Variants in NBEA observed in about 807,000 individuals in gnomAD.
NBEA encodes the protein neurobeachin, also known as lysosomal-trafficking regulator 2.
In NBEA, 44 loss-of-function variants were observed where a neutral mutation model predicts 343.4. The observed-to-expected ratio is 0.13, with a 90% CI of 0.10 to 0.16. NBEA has a LOEUF of 0.16. NBEA is among the 10% of genes least tolerant of loss of function. NBEA has a pLI of 1.00. For missense variants in NBEA, 2,555 were observed against 3,631.3 expected (o/e 0.70, Z 7.62); for synonymous variants, 1,175 against 1,238.7 (o/e 0.95, Z 1.08).
At chr13:35,552,801 A>T (rs1257986518) in intron 43 of NBEA, among the ~76,000 whole-genome samples, 1 of 152,172 alleles carries the variant, frequency 6.6e-6, no homozygotes, top group African/African-American at 2.4e-5. Context: ...ATTTAAAACA[A>T]TCAGAAGCTC....
intron 24 of NBEA, 75 bp from the exon 25 acceptor site, chr13:35,168,912 A>C: frequency 1.9e-6 from 2 of 1,030,472 alleles, no homozygotes; most frequent in Non-Finnish European, 2.7e-6. Context: ...TTTACATTGT[A>C]TTTTCATTTA....
intron 26 of NBEA, 98 bp downstream of exon 26, chr13:35,171,550 G>A: frequency 1.1e-6 from 1 of 934,394 alleles, no homozygotes; most frequent in East Asian, 2.6e-5. Context: ...ATAAGTTGAT[G>A]ATTATATAAT....
At chr13:35,553,734 C>G (rs1389246120) in intron 43 of NBEA, among the ~76,000 whole-genome samples, 2 of 152,074 alleles carry the variant, frequency 1.3e-5, no homozygotes, top group African/African-American at 4.8e-5. Flanking sequence ...GTCTGTTGTT[C>G]CCAAACTAAA....
At chr13:35,365,789 C>T (rs995820660) in intron 38 of NBEA, among the ~76,000 whole-genome samples, 10 of 151,612 alleles carry the variant, frequency 6.6e-5, no homozygotes, top group African/African-American at 2.4e-4. Context: ...CCGCCTTTTT[C>T]TCTGTAAATA....
chr13:35,013,705 G>A (rs2061560079), intron 1 of NBEA, among the ~76,000 whole-genome samples: 1 of 152,168 alleles, frequency 6.6e-6, no homozygotes, highest in African/African-American at 2.4e-5. Flanking sequence ...CTGAGCTCAA[G>A]TAATCCACCT....
At chr13:35,505,054 A>G (rs1391430230) in intron 41 of NBEA, among the ~76,000 whole-genome samples, 1 of 152,034 alleles carries the variant, frequency 6.6e-6, no homozygotes, top group Non-Finnish European at 1.5e-5. Flanking sequence ...TATAAAATAT[A>G]TATTATTTTA....
chr13:35,435,464 G>A (rs1287991568), intron 39 of NBEA, among the ~76,000 whole-genome samples: 1 of 151,994 alleles, frequency 6.6e-6, no homozygotes, highest in East Asian at 1.9e-4. Context: ...ATACAACGGA[G>A]TAGTTAGGGG....
intron 11 of NBEA, among the ~76,000 whole-genome samples, chr13:35,107,431 C>T (rs1033614992): frequency 6.6e-6 from 1 of 151,776 alleles, no homozygotes; most frequent in African/African-American, 2.4e-5. Flanking sequence ...ACACATAATT[C>T]TATTATATTA....
At chr13:35,288,681 T>C (rs1345082601) in intron 34 of NBEA, among the ~76,000 whole-genome samples, 1 of 152,004 alleles carries the variant, frequency 6.6e-6, no homozygotes, top group Non-Finnish European at 1.5e-5. Context: ...TGCAATTTCA[T>C]GTTTTTCCAA....
rs567869350 is a variant in NBEA, at chr13:35,110,145, C to T, written c.1834-665C>T. 7.6e-4 allele frequency among the ~76,000 whole-genome samples: 112 copies of T among 147,974 alleles called. 1 individual carries two copies. The highest frequency in any genetic ancestry group is 1.3e-3 in the Non-Finnish European group (91 of 67,428). On this transcript the variant is annotated intron_variant, in intron 12 of 58. Transcript: ENST00000379939. ...TATGTATACATGTGCCATGCTGGTG[C>T]GCTGCACCCACTAACGTGTCATCTA...
At chr13:35,171,248 CT>C in intron 25 of NBEA, 23 bp from the exon 26 acceptor site, 1 of 1,599,242 alleles carries the variant, frequency 6.3e-7, no homozygotes. Context: ...TTAAACAAGA[CT>C]TAAATCTTCT....
At position 35,029,422 on chromosome 13, in the gene NBEA, G is replaced by A. The variant is rs1004548372; in HGVS notation, c.295-11511G>A. On this transcript the variant is annotated intron_variant, in intron 1 of 58. Transcript: ENST00000379939. ...AGAGGGAACCCTGTATCATGCATAG[G>A]GAGTAACACATACAAAGGATTTTCT... 3.3e-5 allele frequency among the ~76,000 whole-genome samples: 5 copies of A among 151,350 alleles called. No individual in the cohort carries two copies. In the Admixed American group the frequency reaches 3.3e-4, roughly 10 times the overall value.
At chr13:35,482,788 T>C (rs1013986095) in intron 41 of NBEA, among the ~76,000 whole-genome samples, 4 of 151,870 alleles carry the variant, frequency 2.6e-5, no homozygotes, top group Admixed American at 6.6e-5. Context: ...TTCCATATGA[T>C]TGTGCCATTC....
intron 17 of NBEA, among the ~76,000 whole-genome samples, chr13:35,131,311 A>G (rs534301244): frequency 2.2e-4 from 33 of 152,312 alleles, no homozygotes; most frequent in African/African-American, 7.7e-4. Context: ...TTTATGGTCA[A>G]TCTCCCCTAT....
At chr13:35,019,982 A>G (rs2061780308) in intron 1 of NBEA, among the ~76,000 whole-genome samples, 1 of 151,924 alleles carries the variant, frequency 6.6e-6, no homozygotes, top group Non-Finnish European at 1.5e-5. Flanking sequence ...TTTCACCAGT[A>G]TTGTTTTATT....
rs536296838 is a variant in NBEA, at chr13:35,466,020, A to C, written c.6449-6380A>C. ...AAATAGATGATCTACTATGATGAAC[A>C]AATAATATGCTAAATTTCAGTATTC... is the stretch of plus-strand genomic sequence containing the variant. On this transcript the variant is annotated intron_variant, in intron 40 of 58. Coordinates refer to ENST00000379939, the MANE Select transcript of NBEA (RefSeq NM_001385012.1). Among the ~76,000 whole-genome samples, 33 of 152,320 alleles carry C rather than the reference A, an allele frequency of 2.2e-4. No homozygotes were observed. In the South Asian group the frequency reaches 6.6e-3, roughly 31 times the overall value.
chr13:35,090,933 T>TC (rs976100408), intron 10 of NBEA, among the ~76,000 whole-genome samples: 1 of 152,012 alleles, frequency 6.6e-6, no homozygotes, highest in African/African-American at 2.4e-5. Flanking sequence ...ATACTTTTTG[T>TC]CCCTTTATTA....
At chr13:35,371,374 T>A (rs796788453) in intron 38 of NBEA, among the ~76,000 whole-genome samples, 1 of 152,140 alleles carries the variant, frequency 6.6e-6, no homozygotes, top group South Asian at 2.1e-4. Context: ...TGAAATTCTT[T>A]CTTCTGCTTG....
chr13:34,948,412 TC>T (rs1593256931), intron 1 of NBEA, among the ~76,000 whole-genome samples: 2 of 152,314 alleles, frequency 1.3e-5, no homozygotes, highest in Admixed American at 6.5e-5. Context: ...GAGTTGTAGG[TC>T]CCTGTCTTAG....
Sources: allele counts gnomAD v4.1 joint callset (sites outside exome capture counted in the v4.1 genomes callset), GRCh38; gene constraint gnomAD v4.1.1; transcripts MANE v1.5; gene names NCBI Gene and HGNC (gene_info 2026-07-23, HGNC 2026-07-21).